Variants in SCD5 observed in about 807,000 individuals in gnomAD.
SCD5 encodes acyl-CoA-desaturase 4.
Under a neutral mutation model 30.4 loss-of-function variants are expected in SCD5, and 20 were observed. That is an observed-to-expected ratio of 0.66 (90% CI 0.46 to 0.96). The LOEUF (loss-of-function observed/expected upper bound fraction) is 0.96, where lower values mean the gene tolerates loss of function less well. SCD5 is among the 40% of genes least tolerant of loss of function. The pLI, the probability that SCD5 is intolerant of heterozygous loss-of-function variation, is 0.00. For missense variants in SCD5, 381 were observed against 443.3 expected (o/e 0.86, Z 1.26); for synonymous variants, 173 against 176.4 (o/e 0.98, Z 0.16).
intron 1 of SCD5, among the ~76,000 whole-genome samples, chr4:82,732,869 T>G (rs141072729): frequency 2.0e-5 from 3 of 152,252 alleles, no homozygotes; most frequent in African/African-American, 7.2e-5. Context: ...CCTCAGTGGT[T>G]CTCAAAGTGT....
chr4:82,673,035 G>T (rs2148819558), intron 3 of SCD5, among the ~76,000 whole-genome samples: 1 of 151,998 alleles, frequency 6.6e-6, no homozygotes, highest in African/African-American at 2.4e-5. Context: ...CAATGATAAA[G>T]AATATTTACA....
At chr4:82,759,648 T>TA (rs70938309) in intron 1 of SCD5, among the ~76,000 whole-genome samples, 10,351 of 125,456 alleles carry the variant, frequency 0.083, 686 homozygotes, top group African/African-American at 0.19. Flanking sequence ...AACCCCGTCT[T>TA]AAAAAAAAAA....
At chr4:82,694,852 G>A (rs187938875) in intron 2 of SCD5, among the ~76,000 whole-genome samples, 89 of 152,256 alleles carry the variant, frequency 5.8e-4, no homozygotes, top group Admixed American at 7.8e-4. Context: ...GTGAAGCTGC[G>A]CAGTTCAAAC....
chr4:82,774,572 G>T (rs538670425), intron 1 of SCD5, among the ~76,000 whole-genome samples: 1 of 152,250 alleles, frequency 6.6e-6, no homozygotes, highest in African/African-American at 2.4e-5. Context: ...TTTATAAAAT[G>T]TAAGATAAAA....
chr4:82,794,841 T>C (rs920187023), intron 1 of SCD5, among the ~76,000 whole-genome samples: 1 of 151,940 alleles, frequency 6.6e-6, no homozygotes. Context: ...TTAGTAGAGA[T>C]GGGGTTTCAC....
chr4:82,667,880 A>C (rs1221195983), intron 3 of SCD5, among the ~76,000 whole-genome samples: 1 of 152,220 alleles, frequency 6.6e-6, no homozygotes, highest in African/African-American at 2.4e-5. Context: ...CAGAGACTTC[A>C]GGGCTCAAGC....
chr4:82,699,290 A>T (rs1719763131), intron 2 of SCD5, among the ~76,000 whole-genome samples: 1 of 152,132 alleles, frequency 6.6e-6, no homozygotes, highest in African/African-American at 2.4e-5. Context: ...TGTCACATAA[A>T]TCCGAATGTC....
At chr4:82,798,198 G>A in intron 1 of SCD5, 108 bp downstream of exon 1, 2 of 1,111,994 alleles carry the variant, frequency 1.8e-6, no homozygotes, top group Non-Finnish European at 2.2e-6. Flanking sequence ...AGGGGAGACC[G>A]GGGGTCGCTG....
chr4:82,695,053 G>C (rs1312716896), intron 2 of SCD5, among the ~76,000 whole-genome samples: 1 of 131,248 alleles, frequency 7.6e-6, no homozygotes, highest in African/African-American at 3.3e-5. Flanking sequence ...TCTGAAGTGG[G>C]GACAGCCATG....
intron 3 of SCD5, among the ~76,000 whole-genome samples, chr4:82,674,064 T>C (rs1439153721): frequency 6.6e-6 from 1 of 152,018 alleles, no homozygotes; most frequent in African/African-American, 2.4e-5. Context: ...GAAGATAACA[T>C]AGAAAATGTA....
intron 1 of SCD5, among the ~76,000 whole-genome samples, chr4:82,748,209 G>C (rs1721033403): frequency 6.6e-6 from 1 of 152,102 alleles, no homozygotes; most frequent in Non-Finnish European, 1.5e-5. Context: ...AGTCAAAGCA[G>C]GGAAAGGGAA....
chr4:82,710,001 A>G (rs1560540078), intron 1 of SCD5, among the ~76,000 whole-genome samples: 1 of 152,226 alleles, frequency 6.6e-6, no homozygotes, highest in Non-Finnish European at 1.5e-5. Context: ...GAGACATTAA[A>G]TAAATGCCTT....
At chr4:82,698,968 T>C (rs894022928) in intron 2 of SCD5, among the ~76,000 whole-genome samples, 9 of 152,234 alleles carry the variant, frequency 5.9e-5, no homozygotes, top group Non-Finnish European at 1.0e-4. Context: ...GTCTGTCTTG[T>C]TCTCCTGTGC....
chr4:82,773,802 G>T (rs1721679388), intron 1 of SCD5, among the ~76,000 whole-genome samples: 1 of 152,090 alleles, frequency 6.6e-6, no homozygotes, highest in East Asian at 1.9e-4. Flanking sequence ...ATAAAGCCTT[G>T]AAAATGCACA....
chr4:82,702,519 T>C (rs1719873710), intron 2 of SCD5, among the ~76,000 whole-genome samples: 1 of 152,036 alleles, frequency 6.6e-6, no homozygotes, highest in South Asian at 2.1e-4. Context: ...ATACATCTTC[T>C]ATAGAAGAAA....
rs549087264 is a variant in SCD5, at chr4:82,714,077, T to C, written c.233-8664A>G. Among the ~76,000 whole-genome samples the C allele has an allele frequency of 3.9e-5, 6 of 152,310 alleles. No homozygotes were observed. The South Asian group carries it at 1.2e-3, about 32-fold the overall frequency. Reference sequence around the variant, plus strand: ...TCCTACCCATACATTACTCAGAAATTCCTGTCTGCCTGTCTGTATCATCAA... The same window carrying C: ...TCCTACCCATACATTACTCAGAAATCCCTGTCTGCCTGTCTGTATCATCAA... On this transcript the variant is annotated intron_variant, in intron 1 of 4. Transcript: ENST00000319540.
intron 4 of SCD5, among the ~76,000 whole-genome samples, chr4:82,633,815 T>C (rs1727369714): frequency 6.6e-6 from 1 of 152,236 alleles, no homozygotes; most frequent in East Asian, 1.9e-4. Flanking sequence ...TACAATTTAA[T>C]GGCTTTTAAT....
chr4:82,798,215 G>T (rs1266537441), intron 1 of SCD5, 91 bp downstream of exon 1: 20 of 1,164,098 alleles, frequency 1.7e-5, no homozygotes, highest in Middle Eastern at 3.3e-4. Flanking sequence ...GCTGCGCACC[G>T]CCCGCAGCCG....
intron 1 of SCD5, among the ~76,000 whole-genome samples, chr4:82,713,250 C>T (rs1720148789): frequency 6.6e-6 from 1 of 152,192 alleles, no homozygotes; most frequent in South Asian, 2.1e-4. Flanking sequence ...AAGTGTCCTT[C>T]CTGCCTTGGG....
Sources: gnomAD v4.1 joint callset for allele counts (sites outside exome capture counted in the v4.1 genomes callset) on GRCh38, gnomAD v4.1.1 for gene constraint, MANE v1.5 for transcripts, NCBI Gene and HGNC (gene_info 2026-07-23, HGNC 2026-07-21) for gene names.